EFCAB8: variants seen among roughly 807,000 people sequenced by gnomAD.
EFCAB8 encodes EF-hand calcium binding domain 8, also known as EF-hand calcium-binding domain-containing protein 8.
EFCAB8 carries 100 observed loss-of-function variants against 116.3 expected under a neutral mutation model. The ratio of observed to expected loss-of-function variants is 0.86; its 90% CI spans 0.73 to 1.02. The LOEUF is 1.02. Among genes scored for constraint, EFCAB8 ranks in the 50% least tolerant of loss-of-function variants. The pLI is 0.00. For synonymous variants in EFCAB8, 558 were observed against 567.9 expected, an observed-to-expected ratio of 0.98 and a Z score of 0.25; for missense variants, 1,320 against 1,416.9, an observed-to-expected ratio of 0.93 and a Z score of 1.10.
At chr20:32,939,123 TTCTCTTTCTTTCTTTC>T (rs1988255037) in intron 22 of EFCAB8, among the ~76,000 whole-genome samples, 1 of 112,748 alleles carries the variant, frequency 8.9e-6, no homozygotes, top group African/African-American at 3.5e-5. Flanking sequence ...CTCTCTTTCT[TTCTCTTTCTTTCTTTC>T]TTTCTTTCTT....
At position 32,939,171 on chromosome 20, in the gene EFCAB8, C is replaced by T. The variant is rs1269102251; in HGVS notation, c.2791-4465C>T. Among the ~76,000 whole-genome samples, 37 of 88,088 alleles carry T rather than the reference C, an allele frequency of 4.2e-4. 3 individuals carry two copies. The highest frequency in any genetic ancestry group is 4.6e-4 in the Non-Finnish European group (19 of 41,468). 57.8% of individuals were successfully genotyped at this position (88,088 alleles called of 152,430 possible). A position where few individuals can be genotyped will look rare whatever the true frequency, so the allele number is the denominator to read the frequency against. On this transcript the variant is annotated intron_variant, in intron 22 of 26. Transcript: ENST00000400522. Reference sequence around the variant, plus strand: ...TCTTTCTTTCTTTCTTTCTTTCTTTCTTTCTTTCTTTCTTTCTTTCTTTCT... The same window carrying T: ...TCTTTCTTTCTTTCTTTCTTTCTTTTTTTCTTTCTTTCTTTCTTTCTTTCT...
intron 3 of EFCAB8, among the ~76,000 whole-genome samples, chr20:32,871,178 G>A (rs1364280392): frequency 6.6e-6 from 1 of 151,066 alleles, no homozygotes; most frequent in Non-Finnish European, 1.5e-5. Context: ...TTAAATTTTA[G>A]TGTCCAGTCA....
chr20:32,907,770 A>G (rs979906514), intron 13 of EFCAB8, among the ~76,000 whole-genome samples: 1 of 152,138 alleles, frequency 6.6e-6, no homozygotes, highest in Non-Finnish European at 1.5e-5. Context: ...CCAGTCGGCC[A>G]TGGGCAGAGG....
At chr20:32,908,534 G>T in intron 14 of EFCAB8, 122 bp downstream of exon 14, 1 of 1,088,258 alleles carries the variant, frequency 9.2e-7, no homozygotes, top group Non-Finnish European at 1.2e-6. Flanking sequence ...GAAGCGGCTA[G>T]ACTCTGTGGC....
Position 32,866,830 on chromosome 20 carries a change from CTCCT to C in EFCAB8, c.43-738_43-735del, listed in dbSNP as rs1357215161. On this transcript the variant is annotated intron_variant, in intron 2 of 26. Coordinates refer to ENST00000400522, the MANE Select transcript of EFCAB8 (RefSeq NM_001143967.2). ...CTCCCTCTCTTCCTTCCTTCCTTCC[CTCCT>C]TCCTTCCTTCCTTTCTTTCTCTCTC... Among the ~76,000 whole-genome samples, 850 of 143,670 alleles carry C rather than the reference CTCCT, an allele frequency of 5.9e-3. 6 individuals carry two copies. Among genetic ancestry groups the C allele is most frequent in the African/African-American group, 0.02 (769 of 38,214 alleles). 94.3% of individuals were successfully genotyped at this position (143,670 alleles called of 152,430 possible).
At chr20:32,863,309 C>T (rs796379403) in intron 1 of EFCAB8, among the ~76,000 whole-genome samples, 14 of 152,314 alleles carry the variant, frequency 9.2e-5, no homozygotes, top group African/African-American at 3.1e-4. Flanking sequence ...GAGCTCTGTT[C>T]TGTCTGCTCT....
intron 23 of EFCAB8, among the ~76,000 whole-genome samples, chr20:32,956,302 C>T (rs944981542): frequency 6.6e-6 from 1 of 152,030 alleles, no homozygotes; most frequent in Non-Finnish European, 1.5e-5. Context: ...TTTCTTTCAG[C>T]AGTCAATTTC....
Position 32,911,642 on chromosome 20 carries a change from A to G in EFCAB8, c.1720A>G (p.Met574Val), listed in dbSNP as rs574177200. 1.3e-4 allele frequency: 207 copies of G among 1,551,752 alleles called. No individual in the cohort carries two copies. Among genetic ancestry groups the G allele is most frequent in the Non-Finnish European group, 1.7e-4 (190 of 1,147,002 alleles). ...GCTCACAGGTTTGCGGGATGGCACAATGAAGATGTGGAACTACAACATTGG... is the reference window on the plus strand; with the variant it reads ...GCTCACAGGTTTGCGGGATGGCACAGTGAAGATGTGGAACTACAACATTGG... The part of the protein sequence containing the change: ...CLLTGLRDGT[M>V]KMWNYNIGKC... Residue 574 changes from methionine to valine, a missense_variant, in exon 16 of 27, where the codon ATG becomes GTG. Transcript: ENST00000400522.
At chr20:32,860,493 C>CATTT (rs1984052803) in intron 1 of EFCAB8, among the ~76,000 whole-genome samples, 1 of 84,004 alleles carries the variant, frequency 1.2e-5, no homozygotes, top group East Asian at 4.9e-4. Flanking sequence ...ATGGTGGTAA[C>CATTT]TTTTTTTTTT....
intron 1 of EFCAB8, among the ~76,000 whole-genome samples, chr20:32,863,011 A>T (rs1363227204): frequency 6.7e-6 from 1 of 148,316 alleles, no homozygotes; most frequent in African/African-American, 2.5e-5. Context: ...TTTGCTGCCA[A>T]TTTTTTTTTT....
intron 9 of EFCAB8, among the ~76,000 whole-genome samples, chr20:32,893,728 T>C (rs1986028276): frequency 6.6e-6 from 1 of 151,588 alleles, no homozygotes; most frequent in South Asian, 2.1e-4. Context: ...GCAGGGGCTG[T>C]CCTGGATGTG....
At chr20:32,911,837 T>TA in intron 16 of EFCAB8, 130 bp downstream of exon 16, 2 of 870,756 alleles carry the variant, frequency 2.3e-6, no homozygotes, top group Non-Finnish European at 1.8e-6. Context: ...GTGGCCTGGC[T>TA]TCAAACCTCC....
chr20:32,912,937 C>G (rs1476812233), intron 17 of EFCAB8, 73 bp downstream of exon 17: 1 of 684,012 alleles, frequency 1.5e-6, no homozygotes, highest in Non-Finnish European at 2.7e-6. Flanking sequence ...TTCCTCCATT[C>G]CTGGCTTTCC....
chr20:32,886,466 G>T (rs1332591549), intron 6 of EFCAB8, among the ~76,000 whole-genome samples: 1 of 152,202 alleles, frequency 6.6e-6, no homozygotes, highest in Non-Finnish European at 1.5e-5. Context: ...ACAGCCCCCA[G>T]ATGAAGGGCT....
chr20:32,917,432 G>A lies in EFCAB8; in HGVS notation c.1988G>A (p.Trp663Ter). 1 of 1,552,064 alleles carries A rather than the reference G, an allele frequency of 6.4e-7. No individual in the cohort carries two copies. Among genetic ancestry groups the A allele is most frequent in the South Asian group, 1.2e-5 (1 of 84,060 alleles). Residue 663 changes from tryptophan (W) to a stop codon, truncating the protein, a stop_gained, in exon 18 of 27, where the codon TGG becomes TAG. Transcript: ENST00000400522. LOFTEE classifies it high-confidence loss of function. ...TCCTACAGTGGGGACATCCTCTTCT[G>A]GAACACCGGCACACTCAAGCCCATC... ...TSSYSGDILF[W>*]NTGTLKPIFN... is the part of the protein sequence containing the mutation.
intron 10 of EFCAB8, among the ~76,000 whole-genome samples, chr20:32,897,601 A>T (rs546926760): frequency 1.1e-4 from 17 of 152,098 alleles, no homozygotes; most frequent in Non-Finnish European, 1.8e-4. Flanking sequence ...ACACCCAGCT[A>T]ATTTTTTAAT....
At chr20:32,914,900 A>ATT (rs34379554) in intron 17 of EFCAB8, among the ~76,000 whole-genome samples, 3,600 of 149,416 alleles carry the variant, frequency 0.024, 98 homozygotes, top group African/African-American at 0.062. Context: ...TTCTGCTTCC[A>ATT]TTTTTTTTTT....
chr20:32,910,528 C>T (rs1019119693), intron 15 of EFCAB8, among the ~76,000 whole-genome samples: 55 of 152,082 alleles, frequency 3.6e-4, no homozygotes, highest in African/African-American at 1.3e-3. Flanking sequence ...ACAGGTGCGC[C>T]GCATCGGCTG....
chr20:32,885,382 G>C, intron 5 of EFCAB8, 123 bp from the exon 6 acceptor site: 1 of 1,318,090 alleles, frequency 7.6e-7, no homozygotes, highest in South Asian at 1.4e-5. Flanking sequence ...GCATGTGCGT[G>C]CGTGTGCGTG....
Sources: gnomAD v4.1 joint callset for allele counts (sites outside exome capture counted in the v4.1 genomes callset) on GRCh38, gnomAD v4.1.1 for gene constraint, MANE v1.5 for transcripts, NCBI Gene and HGNC (gene_info 2026-07-23, HGNC 2026-07-21) for gene names.